Variants in RBM24 observed in about 807,000 individuals in gnomAD.
RBM24 encodes RNA-binding protein 24.
RBM24 carries 5 observed loss-of-function variants against 23.6 expected under a neutral mutation model. That is an observed-to-expected ratio of 0.21 (90% CI 0.11 to 0.45). The LOEUF (loss-of-function observed/expected upper bound fraction) is 0.45, where lower values mean the gene tolerates loss of function less well. Among genes scored for constraint, RBM24 ranks in the 20% least tolerant of loss-of-function variants. The pLI is 0.99. For synonymous variants in RBM24, 151 were observed against 129.5 expected (o/e 1.17, Z -1.13); for missense variants, 252 against 314.6 (o/e 0.80, Z 1.51).
chr6:17,283,770 C>G (rs1302946009), intron 2 of RBM24, among the ~76,000 whole-genome samples: 1 of 152,130 alleles, frequency 6.6e-6, no homozygotes, highest in East Asian at 1.9e-4. Context: ...TCAAAGAAAA[C>G]AGAAATTGCA....
intron 2 of RBM24, among the ~76,000 whole-genome samples, chr6:17,283,487 G>C (rs927133920): frequency 6.6e-6 from 1 of 152,076 alleles, no homozygotes; most frequent in Non-Finnish European, 1.5e-5. Flanking sequence ...ACGCGATCTA[G>C]GCTCACTGCA....
At chr6:17,289,324 G>C in intron 3 of RBM24, 1 of 985,246 alleles carries the variant, frequency 1.0e-6, no homozygotes, top group Non-Finnish European at 1.2e-6. Context: ...AAGGTCTTTC[G>C]GGTTCTCCTT....
Position 17,281,539 on chromosome 6 carries a change from C to A in RBM24, c.-43C>A. The stretch of plus-strand genomic sequence containing the variant: ...GGAGGAGGCGCAGCCGCTGCCCGAG[C>A]CGCAGCCGCAGCCGGAGCCCGAGCC... On this transcript the variant is annotated 5_prime_UTR_variant, in exon 1 of 4. Transcript: ENST00000379052. The surrounding 1 kb of genome is among the most constrained non-coding windows in gnomAD (Gnocchi z 7.1). 6.9e-7 allele frequency: 1 copy of A among 1,459,496 alleles called. No individual in the cohort carries two copies. Among genetic ancestry groups the A allele is most frequent in the Non-Finnish European group, 9.0e-7 (1 of 1,106,198 alleles). 90.4% of individuals were successfully genotyped at this position (1,459,496 alleles called of 1,614,324 possible).
intron 3 of RBM24, chr6:17,290,757 T>TATTTAGA (rs1760333747): frequency 1.2e-6 from 1 of 820,624 alleles, no homozygotes; most frequent in Non-Finnish European, 1.7e-6. Context: ...AAATTTCTAT[T>TATTTAGA]AATTTTAGAA....
intron 3 of RBM24, among the ~76,000 whole-genome samples, chr6:17,291,156 T>A (rs572306782): frequency 6.6e-6 from 1 of 152,332 alleles, no homozygotes; most frequent in Admixed American, 6.5e-5. Flanking sequence ...TTAATTATTA[T>A]TTTTAATAAG....
chr6:17,284,126 A>C (rs1760119554), intron 2 of RBM24, among the ~76,000 whole-genome samples: 1 of 152,180 alleles, frequency 6.6e-6, no homozygotes, highest in Non-Finnish European at 1.5e-5. Flanking sequence ...CAAGAAAATG[A>C]GTGTTTGTGC....
At chr6:17,286,046 T>C (rs1760184656) in intron 3 of RBM24, among the ~76,000 whole-genome samples, 1 of 152,220 alleles carries the variant, frequency 6.6e-6, no homozygotes, top group South Asian at 2.1e-4. Flanking sequence ...TAGATAGATG[T>C]CTACCATATG....
chr6:17,289,669 G>T, intron 3 of RBM24: 2 of 985,368 alleles, frequency 2.0e-6, no homozygotes, highest in Non-Finnish European at 2.4e-6. Flanking sequence ...TTAAGGTTTC[G>T]GTGTCAGTGA....
chr6:17,288,320 C>T, intron 3 of RBM24: 8 of 985,402 alleles, frequency 8.1e-6, no homozygotes, highest in Non-Finnish European at 9.6e-6. Context: ...GAGAGACGAA[C>T]ATCAGGACAA....
chr6:17,292,152 T>C lies in RBM24; in HGVS notation c.*33T>C. On this transcript the variant is annotated 3_prime_UTR_variant, in exon 4 of 4. Coordinates refer to ENST00000379052, the MANE Select transcript of RBM24 (RefSeq NM_001143942.2). ...ATCTGATCAAAGTTGAATTGTTTTC[T>C]CTTTCCCTCCCAATTTTCCAATTTT... The C allele has an allele frequency of 6.8e-7, 1 of 1,462,686 alleles. No individual in the cohort carries two copies. 90.6% of individuals were successfully genotyped at this position (1,462,686 alleles called of 1,614,324 possible).
intron 3 of RBM24, chr6:17,288,738 G>A: frequency 4.1e-6 from 4 of 978,760 alleles, no homozygotes; most frequent in Non-Finnish European, 4.9e-6. Context: ...AGCTTGTCCA[G>A]GAAACATAAA....
intron 3 of RBM24, chr6:17,289,888 T>C: frequency 1.6e-6 from 2 of 1,243,572 alleles, no homozygotes; most frequent in Non-Finnish European, 2.1e-6. Context: ...CCAGGGACAG[T>C]GTTTCATAAA....
rs940893848 is a variant in RBM24 at position 17,292,666 on chromosome 6, C to G, written c.*547C>G. 2.6e-5 allele frequency: 4 copies of G among 152,600 alleles called. No individual in the cohort carries two copies. Among genetic ancestry groups the G allele is most frequent in the African/African-American group, 7.2e-5 (3 of 41,398 alleles). 9.5% of individuals were successfully genotyped at this position (152,600 alleles called of 1,614,324 possible). ...TTCTTACTATCTCAAAAATGGGCAT[C>G]GAACAATCAATCTAGGAGCGTGGCA... On this transcript the variant is annotated 3_prime_UTR_variant, in exon 4 of 4. Transcript: ENST00000379052.
At position 17,282,895 on chromosome 6, in the gene RBM24, T is replaced by C. The variant is rs1183345248; in HGVS notation, c.259T>C (p.Tyr87His). ...DGRKANVNLA[Y>H]LGAKPRIMQP... ...CAGAAAGGCCAACGTGAACCTGGCA[T>C]ACTTAGGAGCAAAACCAAGGATCAT... Residue 87 changes from tyrosine (Y) to histidine (H), a missense_variant, in exon 2 of 4, where the codon TAC becomes CAC. Transcript: ENST00000379052. The C allele has an allele frequency of 1.2e-6, 2 of 1,614,096 alleles. No individual in the cohort carries two copies. Among genetic ancestry groups the C allele is most frequent in the Non-Finnish European group, 1.7e-6 (2 of 1,180,012 alleles).
At chr6:17,289,124 A>G (rs1760280172) in intron 3 of RBM24, 1 of 985,388 alleles carries the variant, frequency 1.0e-6, no homozygotes, top group Non-Finnish European at 1.2e-6. Flanking sequence ...TGTAACTGCT[A>G]GGCATGCACG....
Position 17,293,556 on chromosome 6 carries a change from G to A in RBM24, c.*1437G>A, listed in dbSNP as rs942984053. The A allele has an allele frequency of 2.0e-5, 3 of 152,416 alleles. No individual in the cohort carries two copies. The highest frequency in any genetic ancestry group is 2.0e-4 in the Admixed American group (3 of 15,274). 9.4% of individuals were successfully genotyped at this position (152,416 alleles called of 1,614,324 possible). A position where few individuals can be genotyped will look rare whatever the true frequency, so the allele number is the denominator to read the frequency against. ...TTCATTAGTTTAACACTATTATGTA[G>A]TTTTTAAATGCTGCTTTACATTTTT... On this transcript the variant is annotated 3_prime_UTR_variant, in exon 4 of 4. Coordinates refer to ENST00000379052, the MANE Select transcript of RBM24 (RefSeq NM_001143942.2).
In RBM24 at chr6:17,292,200, C is replaced by A; in HGVS notation, c.*81C>A. The A allele has an allele frequency of 2.3e-6, 3 of 1,281,612 alleles. No homozygotes were observed. The highest frequency in any genetic ancestry group is 3.1e-6 in the Non-Finnish European group (3 of 958,602). The allele number at this position is 1,281,612 out of a possible 1,614,324, so 79.4% of individuals were successfully genotyped here. ...TTTTAGTAGCTAATAAGAGAGTTAACATTGACTTAACAGCTTTAAAAAAAA... is the reference window on the plus strand; with the variant it reads ...TTTTAGTAGCTAATAAGAGAGTTAAAATTGACTTAACAGCTTTAAAAAAAA... On this transcript the variant is annotated 3_prime_UTR_variant, in exon 4 of 4. Coordinates refer to ENST00000379052, the MANE Select transcript of RBM24 (RefSeq NM_001143942.2).
chr6:17,284,367 G>A (rs1305322738), intron 2 of RBM24, among the ~76,000 whole-genome samples: 2 of 152,118 alleles, frequency 1.3e-5, no homozygotes, highest in East Asian at 3.8e-4. Context: ...AAATCCTGCT[G>A]TACTTAATTT....
intron 1 of RBM24, chr6:17,282,090 GGTT>G (rs1200762230): frequency 1.6e-6 from 2 of 1,232,528 alleles, no homozygotes; most frequent in African/African-American, 1.6e-5. Context: ...GCTGGATGCC[GGTT>G]GTTAAGCGCG....
Sources: gnomAD v4.1 joint callset for allele counts (sites outside exome capture counted in the v4.1 genomes callset) on GRCh38, gnomAD v4.1.1 for gene constraint, Gnocchi (gnomAD v3.1) non-coding constraint, MANE v1.5 for transcripts, NCBI Gene and HGNC (gene_info 2026-07-23, HGNC 2026-07-21) for gene names.